The following KIFAP3 variants were observed in gnomAD, a reference collection of about 807,000 sequenced individuals.
KIFAP3 encodes kinesin-associated protein 3.
In KIFAP3, 68 loss-of-function variants were observed where a neutral mutation model predicts 106.5. That is an observed-to-expected ratio of 0.64 (90% CI 0.53 to 0.78). KIFAP3 has a LOEUF of 0.78. KIFAP3 is among the 30% of genes least tolerant of loss of function. KIFAP3 has a pLI of 0.00. For missense variants in KIFAP3, 780 were observed against 941.8 expected, an observed-to-expected ratio of 0.83 and a Z score of 2.25; for synonymous variants, 320 against 311.5, an observed-to-expected ratio of 1.03 and a Z score of -0.29.
chr1:170,058,732 C>A (rs554801138), intron 1 of KIFAP3, among the ~76,000 whole-genome samples: 1 of 151,978 alleles, frequency 6.6e-6, no homozygotes, highest in Middle Eastern at 3.4e-3. Flanking sequence ...TGGGCTGAGG[C>A]GGGTGTAGGG....
chr1:169,991,354 A>G (rs917734828), intron 11 of KIFAP3, among the ~76,000 whole-genome samples: 1 of 151,980 alleles, frequency 6.6e-6, no homozygotes, highest in East Asian at 1.9e-4. Flanking sequence ...TCAAAAAAAA[A>G]AAAGGAAGGA....
At chr1:169,936,878 T>C (rs769490334) in intron 19 of KIFAP3, among the ~76,000 whole-genome samples, 2 of 151,030 alleles carry the variant, frequency 1.3e-5, no homozygotes, top group Non-Finnish European at 3.0e-5. Flanking sequence ...ATATTTCCAA[T>C]AGACAAATAT....
chr1:170,022,420 T>A (rs149709876), intron 9 of KIFAP3, among the ~76,000 whole-genome samples: 104 of 151,978 alleles, frequency 6.8e-4, no homozygotes, highest in African/African-American at 2.3e-3. Context: ...TTAATCTTAC[T>A]AAAAATGTCT....
Position 169,982,102 on chromosome 1 carries a change from T to C in KIFAP3, c.1673-5A>G, listed in dbSNP as rs758529102. 1 of 1,611,792 alleles carries C rather than the reference T, an allele frequency of 6.2e-7. No individual in the cohort carries two copies. The highest frequency in any genetic ancestry group is 1.1e-5 in the South Asian group (1 of 90,430). On this transcript the variant is annotated splice_region_variant and splice_polypyrimidine_tract_variant and intron_variant, in intron 14 of 19. Coordinates refer to ENST00000361580, the MANE Select transcript of KIFAP3 (RefSeq NM_014970.4). ...CAAGATCATCTTCTGCAGCACCTAG[T>C]GAAGTCAAACCATAGAAAGTTTTCA... is the stretch of plus-strand genomic sequence containing the variant.
At chr1:170,084,813 T>C (rs1479680306) in intron 1 of KIFAP3, among the ~76,000 whole-genome samples, 1 of 152,126 alleles carries the variant, frequency 6.6e-6, no homozygotes, top group Non-Finnish European at 1.5e-5. Context: ...AACATGGTAT[T>C]TGAATATTTC....
At chr1:169,957,790 C>A (rs1475468443) in intron 18 of KIFAP3, among the ~76,000 whole-genome samples, 1 of 151,958 alleles carries the variant, frequency 6.6e-6, no homozygotes, top group African/African-American at 2.4e-5. Flanking sequence ...TCACATCTGG[C>A]TAATTTTTGT....
At chr1:170,033,889 CTAT>C (rs1669545946) in intron 7 of KIFAP3, among the ~76,000 whole-genome samples, 2 of 151,866 alleles carry the variant, frequency 1.3e-5, no homozygotes, top group Middle Eastern at 3.4e-3. Context: ...TTCTATTATT[CTAT>C]AGGCCTTTCA....
At chr1:169,929,620 A>T (rs1406174328) in intron 19 of KIFAP3, among the ~76,000 whole-genome samples, 1 of 152,142 alleles carries the variant, frequency 6.6e-6, no homozygotes, top group East Asian at 1.9e-4. Flanking sequence ...AGCATATATC[A>T]AGTTTAGTTG....
At chr1:169,945,740 T>C (rs1664409821) in intron 19 of KIFAP3, among the ~76,000 whole-genome samples, 4 of 152,188 alleles carry the variant, frequency 2.6e-5, no homozygotes, top group African/African-American at 7.2e-5. Flanking sequence ...AAATATTTTT[T>C]CAACTCAGGA....
intron 10 of KIFAP3, among the ~76,000 whole-genome samples, chr1:170,003,668 C>T (rs1346934552): frequency 2.6e-5 from 4 of 152,214 alleles, no homozygotes; most frequent in Non-Finnish European, 4.4e-5. Context: ...CTTCCTTCAG[C>T]TGTGGTGGGC....
At chr1:169,924,374 T>C (rs1171679569) in intron 19 of KIFAP3, among the ~76,000 whole-genome samples, 2 of 152,214 alleles carry the variant, frequency 1.3e-5, no homozygotes, top group Non-Finnish European at 2.9e-5. Flanking sequence ...AATTTCTATA[T>C]ACAAATATCG....
At chr1:169,974,370 C>T (rs1666104254) in intron 16 of KIFAP3, among the ~76,000 whole-genome samples, 1 of 151,928 alleles carries the variant, frequency 6.6e-6, no homozygotes, top group African/African-American at 2.4e-5. Flanking sequence ...TCACTGATTA[C>T]ACCCAAAAAA....
chr1:169,971,076 G>A (rs1014730079), intron 17 of KIFAP3, among the ~76,000 whole-genome samples: 1 of 151,960 alleles, frequency 6.6e-6, no homozygotes, highest in African/African-American at 2.4e-5. Flanking sequence ...ATTTTTAGAT[G>A]AAGGCTGAGT....
chr1:169,991,842 TGA>T (rs765476473), intron 11 of KIFAP3, among the ~76,000 whole-genome samples: 13 of 152,186 alleles, frequency 8.5e-5, no homozygotes, highest in African/African-American at 2.9e-4. Context: ...TTCAGTGACA[TGA>T]GAGTATAATT....
intron 11 of KIFAP3, among the ~76,000 whole-genome samples, chr1:169,987,127 A>G (rs1039318373): frequency 6.6e-6 from 1 of 152,110 alleles, no homozygotes; most frequent in African/African-American, 2.4e-5. Flanking sequence ...CAAACTCCAC[A>G]TGAAAGAGTA....
At chr1:169,936,796 A>G (rs1663829411) in intron 19 of KIFAP3, among the ~76,000 whole-genome samples, 1 of 151,604 alleles carries the variant, frequency 6.6e-6, no homozygotes, top group South Asian at 2.1e-4. Context: ...TCTTTTCTAA[A>G]TATCATTAAT....
chr1:169,977,949 G>C (rs1399057293), intron 16 of KIFAP3, 136 bp downstream of exon 16: 1 of 650,710 alleles, frequency 1.5e-6, no homozygotes, highest in Non-Finnish European at 2.7e-6. Flanking sequence ...TGGAAAATAG[G>C]TTATCTTGTA....
intron 15 of KIFAP3, among the ~76,000 whole-genome samples, chr1:169,979,836 A>C (rs989251956): frequency 6.6e-6 from 1 of 152,012 alleles, no homozygotes; most frequent in Non-Finnish European, 1.5e-5. Context: ...TCATAGGAGC[A>C]TTATTTATAA....
At chr1:169,966,320 A>G (rs1388386315) in intron 17 of KIFAP3, among the ~76,000 whole-genome samples, 1 of 151,832 alleles carries the variant, frequency 6.6e-6, no homozygotes, top group African/African-American at 2.4e-5. Context: ...ATTGAAAATT[A>G]TATCTTGCAA....
Sources: gnomAD v4.1 joint callset for allele counts (sites outside exome capture counted in the v4.1 genomes callset) on GRCh38, gnomAD v4.1.1 for gene constraint, MANE v1.5 for transcripts, NCBI Gene and HGNC (gene_info 2026-07-23, HGNC 2026-07-21) for gene names.